Variants in PSD3 observed in about 807,000 individuals in gnomAD.
PSD3 encodes PH and SEC7 domain-containing protein 3.
PSD3 carries 49 observed loss-of-function variants against 105.5 expected under a neutral mutation model. That is an observed-to-expected ratio of 0.46 (90% CI 0.37 to 0.59). PSD3 has a LOEUF of 0.59. Among genes scored for constraint, PSD3 ranks in the 20% least tolerant of loss-of-function variants. PSD3 has a pLI of 0.00. For missense variants in PSD3, 1,561 were observed against 1,263.8 expected (o/e 1.24, Z -3.57); for synonymous variants, 557 against 457.8 (o/e 1.22, Z -2.77).
chr8:19,079,805 G>A (rs963488024), intron 1 of PSD3, among the ~76,000 whole-genome samples: 2 of 151,986 alleles, frequency 1.3e-5, no homozygotes, highest in Admixed American at 1.3e-4. Context: ...AGAAAGGTAA[G>A]CTCACTCTAT....
chr8:18,924,291 G>A (rs139605554), intron 2 of PSD3, among the ~76,000 whole-genome samples: 133 of 152,190 alleles, frequency 8.7e-4, no homozygotes, highest in African/African-American at 2.7e-3. Context: ...GAGAACATAT[G>A]GTCAGTTTAA....
In PSD3 at chr8:18,804,707, T is replaced by C. The variant is rs936768842; in HGVS notation, c.1826A>G (p.Lys609Arg). ...KRSDVAKHLGKNNEFSKLVAE... is the reference protein window; with the variant it reads ...KRSDVAKHLGRNNEFSKLVAE... ...CCAGCAATGGGTCAGAACGTACTTCTTGCCAAGGTGTTTTGCAACATCTGA... is the reference window on the plus strand; with the variant it reads ...CCAGCAATGGGTCAGAACGTACTTCCTGCCAAGGTGTTTTGCAACATCTGA... Residue 609 changes from lysine (K) to arginine (R), a missense_variant, in exon 5 of 16, where the codon AAG becomes AGG. Coordinates refer to ENST00000327040, the MANE Select transcript of PSD3 (RefSeq NM_015310.4). 7 of 1,613,708 alleles carry C rather than the reference T, an allele frequency of 4.3e-6. No homozygotes were observed. In the African/African-American group the frequency reaches 8.0e-5, roughly 18 times the overall value.
At chr8:18,728,214 C>T (rs533008233) in intron 9 of PSD3, among the ~76,000 whole-genome samples, 1 of 152,154 alleles carries the variant, frequency 6.6e-6, no homozygotes, top group East Asian at 1.9e-4. Flanking sequence ...GGAATTTCTG[C>T]ACCGTACAAT....
chr8:18,758,986 CTG>C (rs1806283745), intron 9 of PSD3, among the ~76,000 whole-genome samples: 1 of 151,978 alleles, frequency 6.6e-6, no homozygotes, highest in African/African-American at 2.4e-5. Flanking sequence ...ATTTAATTCA[CTG>C]TTTTTTTATC....
intron 1 of PSD3, among the ~76,000 whole-genome samples, chr8:19,065,448 T>G (rs181497526): frequency 6.6e-6 from 1 of 152,300 alleles, no homozygotes. Context: ...CTGCACCCCC[T>G]GACCCTCGTC....
chr8:18,808,947 C>T (rs1211011206), intron 4 of PSD3: 2 of 1,444,672 alleles, frequency 1.4e-6, no homozygotes, highest in Non-Finnish European at 1.8e-6. Context: ...GCCGAGTGTT[C>T]ATTGTTGCGG....
intron 9 of PSD3, among the ~76,000 whole-genome samples, chr8:18,703,748 T>C (rs1321059945): frequency 6.6e-6 from 1 of 152,214 alleles, no homozygotes; most frequent in Non-Finnish European, 1.5e-5. Flanking sequence ...AACATGAATA[T>C]GTTGCTAATG....
Position 18,793,023 on chromosome 8 carries a change from T to C in PSD3, c.2082+6272A>G, listed in dbSNP as rs544501934. ...AAAAATGATGAGTTCATATGCTTTG[T>C]AGGGACATGGATGAAGCTGGAAACT... On this transcript the variant is annotated intron_variant, in intron 8 of 15. Coordinates refer to ENST00000327040, the MANE Select transcript of PSD3 (RefSeq NM_015310.4). 8.5e-5 allele frequency among the ~76,000 whole-genome samples: 13 copies of C among 152,242 alleles called. No individual in the cohort carries two copies. The East Asian group carries it at 1.9e-3, about 23-fold the overall frequency.
At chr8:18,609,933 G>A (rs1805126765) in intron 11 of PSD3, among the ~76,000 whole-genome samples, 1 of 152,094 alleles carries the variant, frequency 6.6e-6, no homozygotes, top group African/African-American at 2.4e-5. Context: ...TTTACCACTG[G>A]GCTATGAGTC....
intron 8 of PSD3, among the ~76,000 whole-genome samples, chr8:18,785,841 C>T (rs1051784872): frequency 1.3e-5 from 2 of 152,182 alleles, no homozygotes; most frequent in African/African-American, 2.4e-5. Flanking sequence ...CCTGAGGAGA[C>T]AGAGATGGGG....
chr8:18,972,937 T>G (rs184002993), intron 1 of PSD3, among the ~76,000 whole-genome samples: 2 of 152,150 alleles, frequency 1.3e-5, no homozygotes, highest in African/African-American at 4.8e-5. Context: ...CCAACGAGGT[T>G]TTAAAAAAAT....
rs1491455270 is a variant in PSD3 at position 19,021,559 on chromosome 8, A to AC, written c.324+62646_324+62647insG. Among the ~76,000 whole-genome samples the AC allele has an allele frequency of 3.5e-3, 322 of 91,538 alleles. 2 individuals carry two copies. Among genetic ancestry groups the AC allele is most frequent in the African/African-American group, 0.015 (284 of 18,902 alleles). 60.1% of individuals were successfully genotyped at this position (91,538 alleles called of 152,430 possible). A position where few individuals can be genotyped will look rare whatever the true frequency, so the allele number is the denominator to read the frequency against. ...TATATTTTATTTGCTTTTTTGTTAC[A>AC]AAAAAAAAAAAAACCCATAGCTTCT... On this transcript the variant is annotated intron_variant, in intron 1 of 1. Transcript: ENST00000521475.
intron 1 of PSD3, among the ~76,000 whole-genome samples, chr8:19,068,885 T>C (rs180757007): frequency 1.3e-5 from 2 of 152,034 alleles, no homozygotes; most frequent in African/African-American, 4.8e-5. Flanking sequence ...TTTGCCCACA[T>C]CTGCTTCCTT....
intron 9 of PSD3, among the ~76,000 whole-genome samples, chr8:18,727,737 G>A (rs910863346): frequency 4.6e-5 from 7 of 151,942 alleles, no homozygotes; most frequent in South Asian, 4.2e-4. Context: ...AGTTACAGAC[G>A]AAAAGTCTCT....
chr8:18,681,728 C>A (rs528633314), intron 9 of PSD3, among the ~76,000 whole-genome samples: 15 of 152,124 alleles, frequency 9.9e-5, no homozygotes, highest in African/African-American at 3.6e-4. Context: ...TAGGGTCACT[C>A]TGATAGAATA....
chr8:19,075,184 G>A (rs1289242944), intron 1 of PSD3, among the ~76,000 whole-genome samples: 2 of 152,176 alleles, frequency 1.3e-5, no homozygotes, highest in East Asian at 3.9e-4. Flanking sequence ...CGGACTTCAA[G>A]TGATCCGCCC....
chr8:18,724,057 A>T lies in PSD3; in HGVS notation c.2172+41392T>A, dbSNP rs577940629. The stretch of plus-strand genomic sequence containing the variant: ...AGTTATACAGAAAATTATTCTTTTG[A>T]GGGTTAATGATAATAGACATAAGAA... On this transcript the variant is annotated intron_variant, in intron 9 of 15. Transcript: ENST00000327040. Among the ~76,000 whole-genome samples the T allele has an allele frequency of 3.3e-5, 5 of 152,306 alleles. No individual in the cohort carries two copies. In the South Asian group the frequency reaches 1.0e-3, roughly 32 times the overall value.
intron 4 of PSD3, among the ~76,000 whole-genome samples, chr8:18,825,873 A>G (rs1813140556): frequency 6.6e-6 from 1 of 152,178 alleles, no homozygotes; most frequent in South Asian, 2.1e-4. Context: ...CCCTACAGCA[A>G]AAAGGTCCTG....
At position 18,876,209 on chromosome 8, in the gene PSD3, C is replaced by T. The variant is rs770483286; in HGVS notation, c.131-3476G>A. The stretch of plus-strand genomic sequence containing the variant: ...CCCAAGTAGCTGGACTACAGGTATG[C>T]GCCACTGAGCCTGGCTGAGAACTTC... On this transcript the variant is annotated intron_variant, in intron 2 of 15. Coordinates refer to ENST00000327040, the MANE Select transcript of PSD3 (RefSeq NM_015310.4). Among the ~76,000 whole-genome samples the T allele has an allele frequency of 5.7e-4, 86 of 152,178 alleles. 1 individual carries two copies. The highest frequency in any genetic ancestry group is 9.6e-4 in the Non-Finnish European group (65 of 68,000).
Sources: allele counts gnomAD v4.1 joint callset (sites outside exome capture counted in the v4.1 genomes callset), GRCh38; gene constraint gnomAD v4.1.1; transcripts MANE v1.5; gene names NCBI Gene and HGNC (gene_info 2026-07-23, HGNC 2026-07-21).